The following LSM10 variants were observed in gnomAD, a reference collection of about 807,000 sequenced individuals.
The protein encoded by LSM10 is U7 snRNA-associated Sm-like protein LSm10.
LSM10 carries 4 observed loss-of-function variants against 5.2 expected under a neutral mutation model. The ratio of observed to expected loss-of-function variants is 0.77; its 90% confidence interval spans 0.38 to 1.77. The LOEUF is 1.77. LSM10 is among the 40% of genes most tolerant of loss of function. The probability of loss-of-function intolerance (pLI) is 0.04; values close to 1 mark genes in which losing one functional copy is unlikely to be tolerated. For missense variants in LSM10, 150 were observed against 171.6 expected (o/e 0.87, Z 0.70); for synonymous variants, 63 against 67.4 (o/e 0.94, Z 0.32).
intron 1 of LSM10, among the ~76,000 whole-genome samples, chr1:36,395,536 T>G (rs1196454266): frequency 6.6e-5 from 10 of 152,026 alleles, no homozygotes; most frequent in Non-Finnish European, 1.5e-4. Flanking sequence ...CCCAGCACTT[T>G]GGGAGGCCAA....
In LSM10 at chr1:36,393,836, C is replaced by T. The variant is rs747907576; in HGVS notation, c.294G>A (p.Leu98=). The change falls in exon 2 of 2, where the codon CTG becomes CTA. Residue 98 remains leucine (L), a synonymous_variant. Transcript: ENST00000315732. ...VNITSTIEQQ[L]QIIHRVRNFG... The stretch of plus-strand genomic sequence containing the variant: ...AGTTTCGCACCCGATGGATAATCTG[C>T]AGCTGCTGCTCAATGGTCGAGGTGA... 2.3e-4 allele frequency: 366 copies of T among 1,614,138 alleles called. No individual in the cohort carries two copies. The highest frequency in any genetic ancestry group is 3.0e-4 in the Non-Finnish European group (355 of 1,180,048).
intron 1 of LSM10, among the ~76,000 whole-genome samples, chr1:36,396,257 C>A (rs907055729): frequency 6.8e-6 from 1 of 148,078 alleles, no homozygotes; most frequent in African/African-American, 2.5e-5. Flanking sequence ...AAAGAAAGCT[C>A]CCCAGATAAC....
Position 36,394,124 on chromosome 1 carries a change from C to T in LSM10, c.6G>A (p.Ala2=), listed in dbSNP as rs144831070. Residue 2 remains alanine (A), a synonymous_variant, in exon 2 of 2, where the codon GCG becomes GCA. Transcript: ENST00000315732. ...TCCGCTCCTTCACTGAATGGCTCAC[C>T]GCCATTCTTCCACACCAGCTGCCTG... M[A]VSHSVKERTI... 75 of 1,607,862 alleles carry T rather than the reference C, an allele frequency of 4.7e-5. No individual in the cohort carries two copies. In the Middle Eastern group the frequency reaches 6.6e-4, roughly 14 times the overall value.
chr1:36,396,667 G>A (rs1326385663), intron 1 of LSM10, among the ~76,000 whole-genome samples: 2 of 152,222 alleles, frequency 1.3e-5, no homozygotes, highest in Non-Finnish European at 2.9e-5. Flanking sequence ...CAGCTGTTAT[G>A]TAAGTAGAAA....
chr1:36,396,243 AAAAAAAGAAAG>A (rs1242011223), intron 1 of LSM10, among the ~76,000 whole-genome samples: 2 of 150,576 alleles, frequency 1.3e-5, no homozygotes, highest in African/African-American at 4.9e-5. Flanking sequence ...AAAAAAAAAA[AAAAAAAGAAAG>A]CTCCCCAGAT....
chr1:36,394,243 C>A, intron 1 of LSM10, 90 bp from the exon 2 acceptor site: 2 of 1,243,482 alleles, frequency 1.6e-6, no homozygotes, highest in East Asian at 2.5e-5. Flanking sequence ...ACAAAATTCC[C>A]AGCACAGACC....
At position 36,393,496 on chromosome 1, in the gene LSM10, A is replaced by G; in HGVS notation, c.*262T>C. ...AGTTGAAAACTACTTGACAGGTTCC[A>G]TAATCAATAAGTCAGAGATTCAGAT... On this transcript the variant is annotated 3_prime_UTR_variant, in exon 2 of 2. Transcript: ENST00000315732. 1 of 531,578 alleles carries G rather than the reference A, an allele frequency of 1.9e-6. No individual in the cohort carries two copies. The highest frequency in any genetic ancestry group is 2.3e-5 in the South Asian group (1 of 43,674). The allele number at this position is 531,578 out of a possible 1,614,324, so 32.9% of individuals were successfully genotyped here.
intron 1 of LSM10, among the ~76,000 whole-genome samples, chr1:36,394,548 T>C (rs1429908412): frequency 6.6e-6 from 1 of 152,134 alleles, no homozygotes; most frequent in African/African-American, 2.4e-5. Context: ...GGCTCACGCC[T>C]GTAATCCCAG....
At position 36,394,131 on chromosome 1, in the gene LSM10, C is replaced by A. The variant is rs1029369564; in HGVS notation, c.-2G>T. 2 of 1,606,192 alleles carry A rather than the reference C, an allele frequency of 1.2e-6. No individual in the cohort carries two copies. Among genetic ancestry groups the A allele is most frequent in the Non-Finnish European group, 1.7e-6 (2 of 1,175,896 alleles). ...CTTCACTGAATGGCTCACCGCCATT[C>A]TTCCACACCAGCTGCCTGCTTGCTG... On this transcript the variant is annotated 5_prime_UTR_variant, in exon 2 of 2. Transcript: ENST00000315732.
At chr1:36,394,275 G>C in intron 1 of LSM10, 122 bp from the exon 2 acceptor site, 1 of 874,172 alleles carries the variant, frequency 1.1e-6, no homozygotes, top group Non-Finnish European at 1.7e-6. Flanking sequence ...TTTTGTATCT[G>C]TGGACACAGA....
At chr1:36,395,391 T>A (rs1050769374) in intron 1 of LSM10, among the ~76,000 whole-genome samples, 8 of 152,178 alleles carry the variant, frequency 5.3e-5, no homozygotes, top group South Asian at 2.1e-4. Flanking sequence ...ACATTAATTT[T>A]AAAAAATCAA....
At position 36,394,039 on chromosome 1, in the gene LSM10, C is replaced by T. The variant is rs1405139703; in HGVS notation, c.91G>A (p.Val31Met). The part of the protein sequence containing the change: ...LQGLQGRVTT[V>M]DLRDESVAHG... ...GCCACGCTCTCATCCCGCAGGTCCA[C>T]AGTGGTTACCCGGCCCTGGAGGCCC... Residue 31 changes from valine (V) to methionine (M), a missense_variant, in exon 2 of 2, where the codon GTG (valine) becomes ATG (methionine). Val to Met is a conservative substitution (Grantham distance 21, BLOSUM62 1). Coordinates refer to ENST00000315732, the MANE Select transcript of LSM10 (RefSeq NM_032881.3). 6.2e-7 allele frequency: 1 copy of T among 1,614,108 alleles called. No individual in the cohort carries two copies. Among genetic ancestry groups the T allele is most frequent in the Non-Finnish European group, 8.5e-7 (1 of 1,180,052 alleles).
At position 36,393,464 on chromosome 1, in the gene LSM10, C is replaced by T; in HGVS notation, c.*294G>A. The T allele has an allele frequency of 2.2e-6, 1 of 448,188 alleles. No individual in the cohort carries two copies. The highest frequency in any genetic ancestry group is 4.1e-6 in the Non-Finnish European group (1 of 243,374). 27.8% of individuals were successfully genotyped at this position (448,188 alleles called of 1,614,324 possible). A position where few individuals can be genotyped will look rare whatever the true frequency, so the allele number is the denominator to read the frequency against. Reference sequence around the variant, plus strand: ...GGCTGAGCATGTTTAATTATCCTCACTGGGAGAGTTGAAAACTACTTGACA... The same window carrying T: ...GGCTGAGCATGTTTAATTATCCTCATTGGGAGAGTTGAAAACTACTTGACA... On this transcript the variant is annotated 3_prime_UTR_variant, in exon 2 of 2. Coordinates refer to ENST00000315732, the MANE Select transcript of LSM10 (RefSeq NM_032881.3).
At position 36,394,098 on chromosome 1, in the gene LSM10, G is replaced by T; in HGVS notation, c.32C>A (p.Thr11Asn). The T allele has an allele frequency of 6.2e-7, 1 of 1,613,566 alleles. No individual in the cohort carries two copies. Among genetic ancestry groups the T allele is most frequent in the Non-Finnish European group, 8.5e-7 (1 of 1,179,948 alleles). The change falls in exon 2 of 2, where the codon ACC (threonine) becomes AAC (asparagine). Residue 11 changes from threonine to asparagine, a missense_variant. Physicochemically the swap from Thr to Asn is moderately conservative, Grantham distance 65. Coordinates refer to ENST00000315732, the MANE Select transcript of LSM10 (RefSeq NM_032881.3). MAVSHSVKER[T>N]ISENSLIILL... ...GATGATCAGGCTGTTCTCAGAGATG[G>T]TCCGCTCCTTCACTGAATGGCTCAC...
chr1:36,396,965 G>GA (rs55690968), intron 1 of LSM10, among the ~76,000 whole-genome samples: 41,545 of 142,476 alleles, frequency 0.29, 6,427 homozygotes, highest in Middle Eastern at 0.41. Context: ...GAGACTCTCA[G>GA]AAAAAAAAAA....
intron 1 of LSM10, among the ~76,000 whole-genome samples, chr1:36,397,213 T>G (rs1385388699): frequency 6.6e-6 from 1 of 152,216 alleles, no homozygotes; most frequent in East Asian, 1.9e-4. Context: ...CAACATGCCC[T>G]GATAATGTAT....
At chr1:36,396,671 G>A (rs1373403661) in intron 1 of LSM10, among the ~76,000 whole-genome samples, 1 of 152,214 alleles carries the variant, frequency 6.6e-6, no homozygotes, top group East Asian at 1.9e-4. Flanking sequence ...TGTTATGTAA[G>A]TAGAAATTAA....
intron 1 of LSM10, among the ~76,000 whole-genome samples, chr1:36,396,401 T>C (rs1169123733): frequency 6.6e-6 from 1 of 152,220 alleles, no homozygotes; most frequent in African/African-American, 2.4e-5. Flanking sequence ...CAGACTGCAT[T>C]TTAACATGAC....
At chr1:36,394,281 A>C in intron 1 of LSM10, 128 bp from the exon 2 acceptor site, 1 of 799,914 alleles carries the variant, frequency 1.3e-6, no homozygotes, top group Non-Finnish European at 1.9e-6. Flanking sequence ...ATCTGTGGAC[A>C]CAGATGCTTC....
Sources: gnomAD v4.1 joint callset for allele counts (sites outside exome capture counted in the v4.1 genomes callset) on GRCh38, gnomAD v4.1.1 for gene constraint, MANE v1.5 for transcripts, NCBI Gene and HGNC (gene_info 2026-07-23, HGNC 2026-07-21) for gene names.